Variants in CLVS1 observed in about 807,000 individuals in gnomAD.
CLVS1 encodes the protein clavesin 1, also known as clavesin-1.
A neutral mutation model predicts 33.1 loss-of-function variants in CLVS1; 10 were observed. The observed-to-expected ratio is 0.30, with a 90% CI of 0.19 to 0.51. CLVS1 has a LOEUF of 0.51. Among genes scored for constraint, CLVS1 ranks in the 20% least tolerant of loss-of-function variants. CLVS1 has a pLI of 0.97. For synonymous variants in CLVS1, 163 were observed against 166.1 expected (o/e 0.98, Z 0.14); for missense variants, 343 against 433.4 (o/e 0.79, Z 1.85).
At chr8:61,216,361 T>G (rs1402163983) in intron 2 of CLVS1, among the ~76,000 whole-genome samples, 1 of 152,156 alleles carries the variant, frequency 6.6e-6, no homozygotes, top group Non-Finnish European at 1.5e-5. Flanking sequence ...AGCCACAGAG[T>G]GCTCTTGAGA....
intron 2 of CLVS1, among the ~76,000 whole-genome samples, chr8:61,207,457 A>G (rs375919472): frequency 1.2e-3 from 165 of 138,570 alleles, no homozygotes; most frequent in African/African-American, 4.6e-3. Context: ...AGGTGACCCC[A>G]GCATCCTAAT....
At chr8:61,240,698 G>A (rs760895523) in intron 2 of CLVS1, among the ~76,000 whole-genome samples, 1 of 152,074 alleles carries the variant, frequency 6.6e-6, no homozygotes, top group Non-Finnish European at 1.5e-5. Context: ...TGTGTGCACT[G>A]TAGTATGTTA....
chr8:61,250,711 C>T (rs1018976774), intron 2 of CLVS1, among the ~76,000 whole-genome samples: 5 of 152,086 alleles, frequency 3.3e-5, no homozygotes, highest in African/African-American at 1.2e-4. Context: ...TGATTTGGCT[C>T]TCTGTTTGTC....
At chr8:61,337,787 G>C (rs1472288746) in intron 2 of CLVS1, among the ~76,000 whole-genome samples, 1 of 152,206 alleles carries the variant, frequency 6.6e-6, no homozygotes, top group Non-Finnish European at 1.5e-5. Flanking sequence ...GAGTGTGGCA[G>C]GGCGGGGGTC....
chr8:61,148,770 G>A (rs1172464708), intron 2 of CLVS1, among the ~76,000 whole-genome samples: 1 of 152,182 alleles, frequency 6.6e-6, no homozygotes, highest in Non-Finnish European at 1.5e-5. Flanking sequence ...TGCTAAACAG[G>A]TGTATATGAT....
chr8:61,452,096 C>T (rs1816985129), intron 3 of CLVS1, among the ~76,000 whole-genome samples: 1 of 152,166 alleles, frequency 6.6e-6, no homozygotes, highest in Admixed American at 6.5e-5. Flanking sequence ...AATCATCAAC[C>T]AGGGATAATA....
chr8:61,458,567 C>CG, intron 5 of CLVS1, 25 bp downstream of exon 5: 1 of 1,472,434 alleles, frequency 6.8e-7, no homozygotes, highest in Non-Finnish European at 9.2e-7. Context: ...ATCAGAGCCC[C>CG]CCCCCCAGTC....
chr8:61,423,409 AT>A (rs1244375711), intron 3 of CLVS1, among the ~76,000 whole-genome samples: 1 of 152,198 alleles, frequency 6.6e-6, no homozygotes, highest in Admixed American at 6.5e-5. Flanking sequence ...AAAACAAATC[AT>A]TATGACTTTC....
intron 2 of CLVS1, among the ~76,000 whole-genome samples, chr8:61,323,153 T>C (rs148885446): frequency 4.3e-4 from 65 of 152,254 alleles, no homozygotes; most frequent in Middle Eastern, 3.4e-3. Flanking sequence ...ATGCATTAAT[T>C]TGGGAGCAGG....
chr8:61,212,722 G>A (rs1807997406), intron 2 of CLVS1, among the ~76,000 whole-genome samples: 1 of 152,192 alleles, frequency 6.6e-6, no homozygotes, highest in African/African-American at 2.4e-5. Flanking sequence ...TGTGAATAAG[G>A]TGAAGTTCTA....
chr8:61,348,896 A>C (rs1299598654), intron 2 of CLVS1, among the ~76,000 whole-genome samples: 1 of 151,986 alleles, frequency 6.6e-6, no homozygotes, highest in Non-Finnish European at 1.5e-5. Flanking sequence ...CATTTTTCAT[A>C]TTTTTGATAA....
At chr8:60,988,263 T>C in the CLVS1 span, among the ~76,000 whole-genome samples, 3 of 152,012 alleles carry the variant, frequency 2.0e-5, no homozygotes, top group East Asian at 5.8e-4. Context: ...ATGCGAGTGG[T>C]TGGGGGAGAA....
chr8:61,180,878 T>C (rs762218370), intron 2 of CLVS1, among the ~76,000 whole-genome samples: 1 of 152,172 alleles, frequency 6.6e-6, no homozygotes, highest in Non-Finnish European at 1.5e-5. Context: ...CAACAGCCAA[T>C]ATCATACTGA....
At chr8:61,068,543 C>T (rs1336548662) in intron 1 of CLVS1, among the ~76,000 whole-genome samples, 1 of 152,034 alleles carries the variant, frequency 6.6e-6, no homozygotes, top group South Asian at 2.1e-4. Context: ...ATAGCCTCCC[C>T]CGACTCCTCT....
At chr8:61,483,689 A>G (rs1177813255) in intron 5 of CLVS1, among the ~76,000 whole-genome samples, 1 of 152,256 alleles carries the variant, frequency 6.6e-6, no homozygotes, top group Non-Finnish European at 1.5e-5. Context: ...CATTGATGCA[A>G]AAATCCTCAA....
chr8:61,231,584 A>G (rs2931349), intron 2 of CLVS1, among the ~76,000 whole-genome samples: 66,415 of 151,596 alleles, frequency 0.44, 14,687 homozygotes, highest in African/African-American at 0.45. Context: ...TTCACCTCCT[A>G]AGTATAAAGA....
the CLVS1 span, among the ~76,000 whole-genome samples, chr8:61,050,638 G>T: frequency 2.0e-5 from 2 of 102,396 alleles, no homozygotes; most frequent in East Asian, 3.9e-4. Context: ...GCACACAGAG[G>T]GTCCTCAGGG....
At chr8:61,377,113 C>A (rs978421836) in intron 3 of CLVS1, 1 of 199,664 alleles carries the variant, frequency 5.0e-6, no homozygotes, top group Non-Finnish European at 1.0e-5. Context: ...ATGTCATATA[C>A]AGGGGTGGCA....
At chr8:61,328,979 C>A (rs1585809147) in intron 2 of CLVS1, among the ~76,000 whole-genome samples, 1 of 152,268 alleles carries the variant, frequency 6.6e-6, no homozygotes, top group Non-Finnish European at 1.5e-5. Context: ...ATTATTGTGT[C>A]TGCAAGTTAG....
Sources: allele counts gnomAD v4.1 joint callset (sites outside exome capture counted in the v4.1 genomes callset), GRCh38; gene constraint gnomAD v4.1.1; transcripts MANE v1.5; gene names NCBI Gene and HGNC (gene_info 2026-07-23, HGNC 2026-07-21).